The following KLHDC3 variants were observed in gnomAD, a reference collection of about 807,000 sequenced individuals.
KLHDC3 encodes the protein kelch domain-containing protein 3.
In KLHDC3, 5 loss-of-function variants were observed where a neutral mutation model predicts 44.1. The ratio of observed to expected loss-of-function variants is 0.11; its 90% CI spans 0.06 to 0.24. KLHDC3 has a LOEUF of 0.24. Ranked by LOEUF, KLHDC3 falls within the 10% of genes least tolerant of loss-of-function variation. The pLI is 1.00. For missense variants in KLHDC3, 247 were observed against 514.3 expected (o/e 0.48, Z 5.03); for synonymous variants, 170 against 189.0 (o/e 0.90, Z 0.82).
chr6:43,020,625 A>G, intron 10 of KLHDC3, 42 bp from the exon 11 acceptor site: 1 of 1,522,732 alleles, frequency 6.6e-7, no homozygotes, highest in Non-Finnish European at 9.1e-7. Flanking sequence ...GCTTGGGCTG[A>G]GGGCCCCCTC....
intron 10 of KLHDC3, among the ~76,000 whole-genome samples, chr6:43,019,805 C>G (rs1762650197): frequency 6.6e-6 from 1 of 152,148 alleles, no homozygotes. Context: ...TTCAAATTAA[C>G]CACCAGATGT....
At position 43,017,718 on chromosome 6, in the gene KLHDC3, C is replaced by T. The variant is rs765711173; in HGVS notation, c.331+23C>T. 3 of 1,606,292 alleles carry T rather than the reference C, an allele frequency of 1.9e-6. No homozygotes were observed. Among genetic ancestry groups the T allele is most frequent in the Non-Finnish European group, 2.6e-6 (3 of 1,174,818 alleles). The stretch of plus-strand genomic sequence containing the variant: ...TCAGTGAGTATGGATCTCAGAGAGG[C>T]TATGTCCTTCCAGATGTTGCCTCAG... On this transcript the variant is annotated intron_variant, in intron 3 of 10. Transcript: ENST00000326974. The surrounding 1 kb of genome is among the most constrained non-coding windows in gnomAD (Gnocchi z 6.0).
intron 10 of KLHDC3, 62 bp downstream of exon 10, chr6:43,019,428 C>T (rs1646920064): frequency 8.6e-7 from 1 of 1,159,698 alleles, no homozygotes; most frequent in Admixed American, 1.7e-5. Context: ...CAGGTGTGAC[C>T]TGATTAGCTT....
chr6:43,017,617 A>G lies in KLHDC3; in HGVS notation c.253A>G (p.Ile85Val). Reference protein sequence around the residue: ...YMRYGHSTVLIDDTVLLWGGR... With the variant: ...YMRYGHSTVLVDDTVLLWGGR... Reference sequence around the variant, plus strand: ...GCGCTATGGACACTCAACCGTCCTCATCGACGACACAGTCCTCCTTTGGGG... The same window carrying G: ...GCGCTATGGACACTCAACCGTCCTCGTCGACGACACAGTCCTCCTTTGGGG... The change falls in exon 3 of 11, where the codon ATC becomes GTC. Residue 85 changes from isoleucine (I) to valine (V), a missense_variant. This residue lies in a region of KLHDC3 where 176 missense variants were observed against 413.5 expected (regional missense o/e 0.43). Transcript: ENST00000326974. This position sits in a 1 kb window ranked among gnomAD's most constrained non-coding sequence, Gnocchi z 6.0. The G allele has an allele frequency of 5.6e-6, 9 of 1,614,142 alleles. No homozygotes were observed. Among genetic ancestry groups the G allele is most frequent in the Non-Finnish European group, 5.9e-6 (7 of 1,180,000 alleles).
At position 43,018,790 on chromosome 6, in the gene KLHDC3, G is replaced by A; in HGVS notation, c.820+71G>A. 6.4e-7 allele frequency: 1 copy of A among 1,555,828 alleles called. No individual in the cohort carries two copies. Among genetic ancestry groups the A allele is most frequent in the Non-Finnish European group, 8.9e-7 (1 of 1,126,988 alleles). Reference sequence around the variant, plus strand: ...GGGAGGAAAAGAAAATAATCCTGAGGCGGTGAGGGATGGGGGTGGGGAAGA... The same window carrying A: ...GGGAGGAAAAGAAAATAATCCTGAGACGGTGAGGGATGGGGGTGGGGAAGA... On this transcript the variant is annotated intron_variant, in intron 7 of 10. Transcript: ENST00000326974. This position sits in a 1 kb window ranked among gnomAD's most constrained non-coding sequence, Gnocchi z 6.0.
At position 43,020,422 on chromosome 6, in the gene KLHDC3, A is replaced by T. The variant is rs141166718; in HGVS notation, c.1083-245A>T. 3.3e-3 allele frequency among the ~76,000 whole-genome samples: 508 copies of T among 152,264 alleles called. 2 individuals are homozygous for T. Among genetic ancestry groups the T allele is most frequent in the Middle Eastern group, 0.014 (4 of 294 alleles). ...CAGGTGCCTGGACACTGCAATATACATACATACATAAACATAAACCGGAAA... is the reference window on the plus strand; with the variant it reads ...CAGGTGCCTGGACACTGCAATATACTTACATACATAAACATAAACCGGAAA... On this transcript the variant is annotated intron_variant, in intron 10 of 10. Transcript: ENST00000326974.
Position 43,020,917 on chromosome 6 carries a change from C to T in KLHDC3, c.*184C>T, listed in dbSNP as rs1187438142. On this transcript the variant is annotated 3_prime_UTR_variant, in exon 11 of 11. Transcript: ENST00000326974. ...CTGTAGCGGGGTGGGGGCTAGGTTCCTCCCCCCTTGGGCCGAGGGCCCCTT... is the reference window on the plus strand; with the variant it reads ...CTGTAGCGGGGTGGGGGCTAGGTTCTTCCCCCCTTGGGCCGAGGGCCCCTT... The T allele has an allele frequency of 1.5e-6, 1 of 673,336 alleles. No individual in the cohort carries two copies. Among genetic ancestry groups the T allele is most frequent in the African/African-American group, 1.8e-5 (1 of 56,280 alleles). 41.7% of individuals were successfully genotyped at this position (673,336 alleles called of 1,614,324 possible).
intron 1 of KLHDC3, 77 bp downstream of exon 1, chr6:43,014,425 GA>G: frequency 1.8e-6 from 1 of 542,300 alleles, no homozygotes; most frequent in South Asian, 1.6e-5. Flanking sequence ...AGTGGCGGGG[GA>G]GGGGCCTGAG....
Position 43,018,588 on chromosome 6 carries a change from C to T in KLHDC3, c.733+32C>T. The stretch of plus-strand genomic sequence containing the variant: ...GTTTGTTACTTCCCTGTGGAGTTCC[C>T]TTCCTGCCCTCTTCACACTCCTGAC... On this transcript the variant is annotated intron_variant, in intron 6 of 10. Transcript: ENST00000326974. The surrounding 1 kb of genome is among the most constrained non-coding windows in gnomAD (Gnocchi z 6.0). 6.2e-7 allele frequency: 1 copy of T among 1,612,634 alleles called. No individual in the cohort carries two copies. The highest frequency in any genetic ancestry group is 1.3e-5 in the African/African-American group (1 of 75,004).
chr6:43,018,082 ATG>A lies in KLHDC3; in HGVS notation c.448-62_448-61del. On this transcript the variant is annotated intron_variant, in intron 4 of 10. Transcript: ENST00000326974. The surrounding 1 kb of genome is among the most constrained non-coding windows in gnomAD (Gnocchi z 6.0). ...TTGTTTGCAGGTTTTGAGGGGAGGG[ATG>A]GAGGGTCAGAGAGTGACCATTGGCT... 7.1e-7 allele frequency: 1 copy of A among 1,415,490 alleles called. No homozygotes were observed. Among genetic ancestry groups the A allele is most frequent in the Non-Finnish European group, 1.0e-6 (1 of 999,408 alleles). 87.7% of individuals were successfully genotyped at this position (1,415,490 alleles called of 1,614,324 possible). A position where few individuals can be genotyped will look rare whatever the true frequency, so the allele number is the denominator to read the frequency against.
At position 43,021,246 on chromosome 6, in the gene KLHDC3, T is replaced by C. The variant is rs369104793; in HGVS notation, c.*513T>C. On this transcript the variant is annotated 3_prime_UTR_variant, in exon 11 of 11. Coordinates refer to ENST00000326974, the MANE Select transcript of KLHDC3 (RefSeq NM_057161.4). ...CCTTCCTTGAGCTGTCGCTGTACTCTGAAGTTCAGCCAGCTCAGATTTTAT... is the reference window on the plus strand; with the variant it reads ...CCTTCCTTGAGCTGTCGCTGTACTCCGAAGTTCAGCCAGCTCAGATTTTAT... The C allele has an allele frequency of 5.0e-4, 184 of 367,744 alleles. No homozygotes were observed. The highest frequency in any genetic ancestry group is 3.7e-3 in the African/African-American group (175 of 47,124). The allele number at this position is 367,744 out of a possible 1,614,324, so 22.8% of individuals were successfully genotyped here. A position where few individuals can be genotyped will look rare whatever the true frequency, so the allele number is the denominator to read the frequency against.
rs1359237436 is a variant in KLHDC3, at chr6:43,017,990, G to A, written c.447+22G>A. ...GCAGGTAGGTCTGGGAATAAAATAA[G>A]AGGTTTAGGGTGGGACTGAGAAAGA... On this transcript the variant is annotated intron_variant, in intron 4 of 10. Coordinates refer to ENST00000326974, the MANE Select transcript of KLHDC3 (RefSeq NM_057161.4). This position sits in a 1 kb window ranked among gnomAD's most constrained non-coding sequence, Gnocchi z 6.0. 1.3e-6 allele frequency: 2 copies of A among 1,585,690 alleles called. No homozygotes were observed. Among genetic ancestry groups the A allele is most frequent in the Non-Finnish European group, 1.7e-6 (2 of 1,154,282 alleles).
At position 43,020,899 on chromosome 6, in the gene KLHDC3, G is replaced by A. The variant is rs941481550; in HGVS notation, c.*166G>A. On this transcript the variant is annotated 3_prime_UTR_variant, in exon 11 of 11. Transcript: ENST00000326974. Reference sequence around the variant, plus strand: ...TGTGAATTCAGTGGGGAGCTGTAGCGGGGTGGGGGCTAGGTTCCTCCCCCC... The same window carrying A: ...TGTGAATTCAGTGGGGAGCTGTAGCAGGGTGGGGGCTAGGTTCCTCCCCCC... 17 of 683,784 alleles carry A rather than the reference G, an allele frequency of 2.5e-5. No homozygotes were observed. Among genetic ancestry groups the A allele is most frequent in the African/African-American group, 2.3e-4 (13 of 56,388 alleles). 42.4% of individuals were successfully genotyped at this position (683,784 alleles called of 1,614,324 possible).
In KLHDC3 at chr6:43,017,173, T is replaced by C. The variant is rs1002256055; in HGVS notation, c.-20T>C. The C allele has an allele frequency of 1.1e-5, 18 of 1,608,166 alleles. No individual in the cohort carries two copies. The highest frequency in any genetic ancestry group is 1.3e-5 in the Non-Finnish European group (15 of 1,178,264). On this transcript the variant is annotated 5_prime_UTR_variant, in exon 2 of 11. Transcript: ENST00000326974. This position sits in a 1 kb window ranked among gnomAD's most constrained non-coding sequence, Gnocchi z 6.0. Reference sequence around the variant, plus strand: ...AGGCCGTGCCGGGGGGGCATGTTGCTGTAACCAGTGGCCCAGGGGATGTTA... The same window carrying C: ...AGGCCGTGCCGGGGGGGCATGTTGCCGTAACCAGTGGCCCAGGGGATGTTA...
Position 43,017,302 on chromosome 6 carries a change from A to T in KLHDC3, c.110A>T (p.Asp37Val). The change falls in exon 2 of 11, where the codon GAC becomes GTC. Residue 37 changes from aspartate (D) to valine (V), a missense_variant. Physicochemically the swap from Asp to Val is radical, Grantham distance 152 (BLOSUM62 -3). Coordinates refer to ENST00000326974, the MANE Select transcript of KLHDC3 (RefSeq NM_057161.4). The surrounding 1 kb of genome is among the most constrained non-coding windows in gnomAD (Gnocchi z 6.0). ...TTCGGGGGTTACTGCTCTGGTGAAG[A>T]CTATGAGACACTGCGTCAGATAGAT... ...YSFGGYCSGE[D>V]YETLRQIDVH... The T allele has an allele frequency of 1.2e-6, 2 of 1,614,158 alleles. No homozygotes were observed. Among genetic ancestry groups the T allele is most frequent in the East Asian group, 4.5e-5 (2 of 44,886 alleles).
At position 43,020,651 on chromosome 6, in the gene KLHDC3, A is replaced by G. The variant is rs747717457; in HGVS notation, c.1083-16A>G. The G allele has an allele frequency of 6.2e-7, 1 of 1,608,580 alleles. No homozygotes were observed. The highest frequency in any genetic ancestry group is 1.3e-5 in the African/African-American group (1 of 74,634). On this transcript the variant is annotated splice_polypyrimidine_tract_variant and intron_variant, in intron 10 of 10. Transcript: ENST00000326974. ...GGGCCCCCTCTTCTTTCTGTCTCTT[A>G]TTGTTGGCCTTCCAGGTGGGAGCTG...
At chr6:43,019,855 A>C (rs1762651202) in intron 10 of KLHDC3, among the ~76,000 whole-genome samples, 1 of 152,120 alleles carries the variant, frequency 6.6e-6, no homozygotes, top group African/African-American at 2.4e-5. Context: ...TCATTCTGAG[A>C]TACTTCGTCT....
rs2295982 is a variant in KLHDC3 at position 43,017,099 on chromosome 6, C to T, written c.-59-35C>T. On this transcript the variant is annotated intron_variant, in intron 1 of 10. Transcript: ENST00000326974. This position sits in a 1 kb window ranked among gnomAD's most constrained non-coding sequence, Gnocchi z 6.0. ...GTCACAGTGAGCTGGGCAGAAGCCT[C>T]GCCTGAGGATCCCGTGGCCCCAATT... The T allele has an allele frequency of 4.0e-3, 5,765 of 1,440,342 alleles. 292 individuals are homozygous for T. In the East Asian group the frequency reaches 0.11, roughly 28 times the overall value. 89.2% of individuals were successfully genotyped at this position (1,440,342 alleles called of 1,614,324 possible).
In KLHDC3 at chr6:43,020,936, G is replaced by T; in HGVS notation, c.*203G>T. 1 of 665,876 alleles carries T rather than the reference G, an allele frequency of 1.5e-6. No individual in the cohort carries two copies. Among genetic ancestry groups the T allele is most frequent in the South Asian group, 1.5e-5 (1 of 64,988 alleles). The allele number at this position is 665,876 out of a possible 1,614,324, so 41.2% of individuals were successfully genotyped here. A position where few individuals can be genotyped will look rare whatever the true frequency, so the allele number is the denominator to read the frequency against. On this transcript the variant is annotated 3_prime_UTR_variant, in exon 11 of 11. Transcript: ENST00000326974. ...AGGTTCCTCCCCCCTTGGGCCGAGG[G>T]CCCCTTCCCCTTGGTGCTCTGTCCC... is the stretch of plus-strand genomic sequence containing the variant.
Sources: allele counts gnomAD v4.1 joint callset (sites outside exome capture counted in the v4.1 genomes callset), GRCh38; gene constraint gnomAD v4.1.1; regional missense constraint gnomAD v4.1.1; non-coding constraint Gnocchi (gnomAD v3.1); transcripts MANE v1.5; gene names NCBI Gene and HGNC (gene_info 2026-07-23, HGNC 2026-07-21).